Variants in C8A observed in about 807,000 individuals in gnomAD.
The protein encoded by C8A is complement C8 alpha chain.
In C8A, 67 loss-of-function variants were observed where a neutral mutation model predicts 65.3. The ratio of observed to expected loss-of-function variants is 1.03; its 90% confidence interval spans 0.84 to 1.26. C8A has a LOEUF of 1.26. Ranked by LOEUF, C8A falls within the 50% of genes most tolerant of loss-of-function variation. The probability of loss-of-function intolerance (pLI) is 0.00; values close to 1 mark genes in which losing one functional copy is unlikely to be tolerated. For missense variants in C8A, 781 were observed against 723.9 expected, an observed-to-expected ratio of 1.08 and a Z score of -0.90; for synonymous variants, 290 against 259.4, an observed-to-expected ratio of 1.12 and a Z score of -1.13.
intron 2 of C8A, 42 bp from the exon 3 acceptor site, chr1:56,874,907 G>A (rs1256927900): frequency 1.9e-6 from 3 of 1,611,232 alleles, no homozygotes; most frequent in Non-Finnish European, 2.5e-6. Context: ...TTGATTGATT[G>A]ATTGGTTGAC....
intron 7 of C8A, among the ~76,000 whole-genome samples, chr1:56,886,403 A>G (rs1376304925): frequency 1.3e-5 from 2 of 152,202 alleles, no homozygotes; most frequent in African/African-American, 4.8e-5. Flanking sequence ...CCCTAAAACT[A>G]TATGCTTCTT....
chr1:56,884,517 A>G (rs1644274230), intron 6 of C8A, among the ~76,000 whole-genome samples: 1 of 152,214 alleles, frequency 6.6e-6, no homozygotes, highest in South Asian at 2.1e-4. Flanking sequence ...AAATCAACTT[A>G]CTCAACACAC....
rs149764808 is a variant in C8A, at chr1:56,908,072, G to T, written c.1339G>T (p.Gly447Trp). 1.2e-6 allele frequency: 2 copies of T among 1,614,160 alleles called. No individual in the cohort carries two copies. Among genetic ancestry groups the T allele is most frequent in the East Asian group, 2.2e-5 (1 of 44,884 alleles). Residue 447 changes from glycine (G) to tryptophan (W), a missense_variant, in exon 9 of 11, where the codon GGG becomes TGG. Gly to Trp is a radical substitution (Grantham distance 184). Transcript: ENST00000361249. ...NRSTITYRSW[G>W]RSLKYNPVVI... is the part of the protein sequence containing the mutation. ...GAGCACCATTACATACCGTTCCTGGGGGAGGTCATTAAAGTATAATCCTGT... is the reference window on the plus strand; with the variant it reads ...GAGCACCATTACATACCGTTCCTGGTGGAGGTCATTAAAGTATAATCCTGT...
In C8A at chr1:56,906,649, T is replaced by C; in HGVS notation, c.1097-18T>C. 6.2e-7 allele frequency: 1 copy of C among 1,613,972 alleles called. No individual in the cohort carries two copies. Among genetic ancestry groups the C allele is most frequent in the East Asian group, 2.2e-5 (1 of 44,884 alleles). ...TTAATAACTCAGCATTTTGTGTTTC[T>C]CTGTCTCCCTGTTGCAGGTATTACC... On this transcript the variant is annotated intron_variant, in intron 7 of 10. Coordinates refer to ENST00000361249, the MANE Select transcript of C8A (RefSeq NM_000562.3).
intron 7 of C8A, among the ~76,000 whole-genome samples, chr1:56,896,762 T>C (rs1557710832): frequency 6.6e-6 from 1 of 152,152 alleles, no homozygotes; most frequent in Non-Finnish European, 1.5e-5. Flanking sequence ...CAATAACAAC[T>C]GTGGAGCTAG....
Position 56,867,624 on chromosome 1 carries a change from A to T in C8A, c.93A>T (p.Ala31=), listed in dbSNP as rs1195093249. ...QEKVNQRVRR[A]ATPAAVTCQL... is the part of the protein sequence containing the mutation. The stretch of plus-strand genomic sequence containing the variant: ...CTTTCTTTAGGAGAGTAAGACGGGC[A>T]GCTACACCCGCAGCAGTTACCTGCC... The change falls in exon 2 of 11, where the codon GCA becomes GCT. Residue 31 remains alanine (A), a synonymous_variant. Transcript: ENST00000361249. The T allele has an allele frequency of 1.2e-6, 2 of 1,613,620 alleles. No homozygotes were observed. Among genetic ancestry groups the T allele is most frequent in the Admixed American group, 1.7e-5 (1 of 59,958 alleles).
chr1:56,907,863 A>T, intron 8 of C8A, 93 bp from the exon 9 acceptor site: 1 of 1,442,946 alleles, frequency 6.9e-7, no homozygotes, highest in Non-Finnish European at 9.7e-7. Flanking sequence ...GAAAACATGT[A>T]AACTTTCTTC....
intron 8 of C8A, 58 bp downstream of exon 8, chr1:56,906,850 C>T: frequency 6.2e-7 from 1 of 1,605,012 alleles, no homozygotes; most frequent in Non-Finnish European, 8.5e-7. Context: ...TTTGGACACA[C>T]ACTGGGACAT....
intron 2 of C8A, among the ~76,000 whole-genome samples, chr1:56,870,781 C>T (rs1220138727): frequency 2.0e-5 from 3 of 150,892 alleles, no homozygotes; most frequent in Admixed American, 6.6e-5. Flanking sequence ...AAAACACGTG[C>T]GTTTTTAAAG....
In C8A at chr1:56,883,354, T is replaced by C. The variant is rs1008307674; in HGVS notation, c.655-127T>C. 7.9e-5 allele frequency: 62 copies of C among 782,590 alleles called. No homozygotes were observed. The African/African-American group carries it at 1.0e-3, about 13-fold the overall frequency. 48.5% of individuals were successfully genotyped at this position (782,590 alleles called of 1,614,324 possible). On this transcript the variant is annotated intron_variant, in intron 5 of 10. Coordinates refer to ENST00000361249, the MANE Select transcript of C8A (RefSeq NM_000562.3). ...TATCAGTCTAATGACTGGATTGCCT[T>C]ATAAAAGAATTACCTACCATAATCT...
intron 5 of C8A, among the ~76,000 whole-genome samples, chr1:56,883,050 C>T (rs1319303776): frequency 6.6e-6 from 1 of 152,148 alleles, no homozygotes; most frequent in Non-Finnish European, 1.5e-5. Flanking sequence ...CTAAGACAAT[C>T]CAAATCTGCA....
chr1:56,883,434 A>C (rs758571371), intron 5 of C8A, 47 bp from the exon 6 acceptor site: 37 of 1,484,986 alleles, frequency 2.5e-5, no homozygotes, highest in Middle Eastern at 1.7e-4. Flanking sequence ...TGAATTGAGA[A>C]ATGGCTCTAT....
chr1:56,904,996 T>A (rs572449193), intron 7 of C8A, among the ~76,000 whole-genome samples: 12 of 152,330 alleles, frequency 7.9e-5, no homozygotes, highest in Non-Finnish European at 1.5e-4. Context: ...ACCTAAGTAA[T>A]CACTCTGGCT....
At chr1:56,885,424 T>TTAAATAAATATATATTTATTTAAA (rs1553175636) in intron 6 of C8A, among the ~76,000 whole-genome samples, 2 of 90,058 alleles carry the variant, frequency 2.2e-5, no homozygotes, top group Non-Finnish European at 3.6e-5. Context: ...AAATATATAT[T>TTAAATAAATATATATTTATTTAAA]TAAATATATA....
chr1:56,900,778 G>C (rs931916938), intron 7 of C8A, among the ~76,000 whole-genome samples: 2 of 152,178 alleles, frequency 1.3e-5, no homozygotes, highest in African/African-American at 4.8e-5. Context: ...CCCTCCTGGG[G>C]GGCTTGGCAC....
rs1332229056 is a variant in C8A at position 56,854,969 on chromosome 1, A to C, written c.68A>C (p.Lys23Thr). Residue 23 changes from lysine (K) to threonine (T), a missense_variant, in exon 1 of 11, where the codon AAG becomes ACG. Transcript: ENST00000361249. The stretch of plus-strand genomic sequence containing the variant: ...CAGCCTGGGGTAACTGCACAGGAGA[A>C]GGTGAACCAGTAAGTGGGCCATATG... ...TCQPGVTAQE[K>T]VNQRVRRAAT... 6.2e-7 allele frequency: 1 copy of C among 1,613,520 alleles called. No homozygotes were observed. The highest frequency in any genetic ancestry group is 1.1e-5 in the South Asian group (1 of 90,984).
At chr1:56,907,256 C>G (rs997648661) in intron 8 of C8A, among the ~76,000 whole-genome samples, 23 of 152,116 alleles carry the variant, frequency 1.5e-4, no homozygotes, top group African/African-American at 4.6e-4. Context: ...TGTTCATTTA[C>G]TCATCCATTC....
intron 6 of C8A, among the ~76,000 whole-genome samples, chr1:56,885,286 A>ATAAATATATATTTATATATATTTACG (rs1557705340): frequency 3.0e-5 from 4 of 132,306 alleles, no homozygotes; most frequent in African/African-American, 1.2e-4. Context: ...ATATATTTAC[A>ATAAATATATATTTATATATATTTACG]TAAATATATA....
intron 10 of C8A, 31 bp from the exon 11 acceptor site, chr1:56,917,534 C>T: frequency 1.2e-6 from 2 of 1,613,662 alleles, no homozygotes; most frequent in Non-Finnish European, 1.7e-6. Flanking sequence ...CATATGCTAA[C>T]CTTCTCCTCC....
Sources: gnomAD v4.1 joint callset for allele counts (sites outside exome capture counted in the v4.1 genomes callset) on GRCh38, gnomAD v4.1.1 for gene constraint, MANE v1.5 for transcripts, NCBI Gene and HGNC (gene_info 2026-07-23, HGNC 2026-07-21) for gene names.